NLGN4X: variants seen among roughly 807,000 people sequenced by gnomAD.
NLGN4X encodes neuroligin 4 X-linked.
In NLGN4X, 3 loss-of-function variants were observed where a neutral mutation model predicts 40.3. That is an observed-to-expected ratio of 0.07 (90% CI 0.03 to 0.19). The LOEUF is 0.19. NLGN4X is among the 10% of genes least tolerant of loss of function. The pLI, the probability that NLGN4X is intolerant of heterozygous loss-of-function variation, is 1.00. For synonymous variants in NLGN4X, 270 were observed against 306.8 expected (o/e 0.88, Z 1.25); for missense variants, 382 against 708.3 (o/e 0.54, Z 5.23).
chrX:6,192,237 C>G (rs1228744860), intron 1 of NLGN4X, among the ~76,000 whole-genome samples: 2 of 111,309 alleles, frequency 1.8e-5, no homozygotes, highest in East Asian at 2.8e-4. Flanking sequence ...AAGCGATCCT[C>G]CCACCTCAGC....
chrX:6,056,453 G>A (rs1297860035), intron 2 of NLGN4X, among the ~76,000 whole-genome samples: 1 of 109,473 alleles, frequency 9.1e-6, no homozygotes, highest in Non-Finnish European at 1.9e-5. Context: ...TCCAGCCAGG[G>A]TGATAGAGGG....
At chrX:6,072,012 C>T (rs976277633) in intron 2 of NLGN4X, among the ~76,000 whole-genome samples, 5 of 110,593 alleles carry the variant, frequency 4.5e-5, no homozygotes, top group Non-Finnish European at 9.4e-5. Flanking sequence ...ACAGCAAGCT[C>T]GGGTTCTTTT....
At chrX:6,024,424 C>A (rs1424105568) in intron 3 of NLGN4X, among the ~76,000 whole-genome samples, 1 of 110,853 alleles carries the variant, frequency 9.0e-6, no homozygotes, top group Admixed American at 9.6e-5. Context: ...ACGTTTGAAC[C>A]AGAGCACCTC....
At chrX:6,005,584 C>T (rs772192911) in intron 3 of NLGN4X, among the ~76,000 whole-genome samples, 25 of 111,117 alleles carry the variant, frequency 2.2e-4, no homozygotes, top group Admixed American at 1.9e-3. Flanking sequence ...GAAGCCTCAA[C>T]GTCTCTCTCA....
chrX:6,028,516 G>C (rs1461082540), intron 3 of NLGN4X, among the ~76,000 whole-genome samples: 1 of 110,282 alleles, frequency 9.1e-6, no homozygotes, highest in Non-Finnish European at 1.9e-5. Context: ...AAAATTAGCT[G>C]AGTGTGGTGG....
intron 1 of NLGN4X, among the ~76,000 whole-genome samples, chrX:6,166,882 G>A (rs2040507252): frequency 1.8e-5 from 2 of 109,299 alleles, no homozygotes; most frequent in Admixed American, 9.9e-5. Context: ...GACCAGTCTG[G>A]GCAACATGGC....
chrX:6,055,717 T>A (rs1357910336), intron 2 of NLGN4X, among the ~76,000 whole-genome samples: 1 of 112,235 alleles, frequency 8.9e-6, no homozygotes, highest in East Asian at 2.8e-4. Flanking sequence ...ATTTAACACA[T>A]TAAATATAAA....
At chrX:6,208,053 T>C (rs1449948872) in intron 1 of NLGN4X, among the ~76,000 whole-genome samples, 2 of 111,963 alleles carry the variant, frequency 1.8e-5, no homozygotes, top group Non-Finnish European at 3.8e-5. Flanking sequence ...GTTCAGAAAA[T>C]ATAACACCAT....
chrX:6,191,449 T>C (rs1457860048), intron 1 of NLGN4X, among the ~76,000 whole-genome samples: 1 of 112,172 alleles, frequency 8.9e-6, no homozygotes, highest in Non-Finnish European at 1.9e-5. Flanking sequence ...GCACAGTGGC[T>C]CATGCCTGTA....
intron 1 of NLGN4X, among the ~76,000 whole-genome samples, chrX:6,187,975 A>T (rs1358213872): frequency 8.9e-6 from 1 of 112,472 alleles, no homozygotes; most frequent in Non-Finnish European, 1.9e-5. Context: ...TTGAATAAAC[A>T]ACAAAATATA....
In NLGN4X at chrX:6,128,151, T is replaced by G. The variant is rs149148562; in HGVS notation, c.472+22844A>C. Among the ~76,000 whole-genome samples the G allele has an allele frequency of 9.2e-3, 1,019 of 111,042 alleles. 34 individuals are homozygous for G. Among genetic ancestry groups the G allele is most frequent in the Admixed American group, 0.087 (905 of 10,402 alleles). ...CTGTTTAAACCAGAGCATTCTCCCC[T>G]GTGTGCCCGTGTGTCTTCAATGGGT... On this transcript the variant is annotated intron_variant, in intron 2 of 5. Coordinates refer to ENST00000381095, the MANE Select transcript of NLGN4X (RefSeq NM_181332.3).
chrX:6,174,057 CAAACAAAACA>C (rs775276612), intron 1 of NLGN4X, among the ~76,000 whole-genome samples: 8 of 110,197 alleles, frequency 7.3e-5, no homozygotes, highest in African/African-American at 1.7e-4. Flanking sequence ...GACTCTGTCT[CAAACAAAACA>C]AAACAAAACA....
rs2031126733 is a variant in NLGN4X at position 5,890,890 on chromosome X, T to G, written c.*1927A>C. The G allele has an allele frequency of 3.1e-6, 1 of 323,203 alleles. No individual in the cohort carries two copies. Among genetic ancestry groups the G allele is most frequent in the African/African-American group, 2.6e-5 (1 of 37,820 alleles). The allele number at this position is 323,203 out of a possible 1,213,427, so 26.6% of individuals were successfully genotyped here. A position where few individuals can be genotyped will look rare whatever the true frequency, so the allele number is the denominator to read the frequency against. ...CACTGATATATCACTATAGTTTGAG[T>G]GTAGGGATTCAGTAATCAAAGGTTG... On this transcript the variant is annotated 3_prime_UTR_variant, in exon 6 of 6. Coordinates refer to ENST00000381095, the MANE Select transcript of NLGN4X (RefSeq NM_181332.3).
intron 2 of NLGN4X, among the ~76,000 whole-genome samples, chrX:6,074,378 G>A (rs1301135056): frequency 9.0e-6 from 1 of 111,416 alleles, no homozygotes; most frequent in East Asian, 2.8e-4. Flanking sequence ...CCTGAGGTGG[G>A]GTGGTATTAC....
intron 2 of NLGN4X, among the ~76,000 whole-genome samples, chrX:6,072,967 T>C (rs2038105483): frequency 8.9e-6 from 1 of 112,406 alleles, no homozygotes; most frequent in Non-Finnish European, 1.9e-5. Flanking sequence ...TTCCAGCCTA[T>C]CATAAAACAT....
rs200639312 is a variant in NLGN4X, at chrX:6,133,203, CCAT to C, written c.472+17789_472+17791del. Among the ~76,000 whole-genome samples, 474 of 110,671 alleles carry C rather than the reference CCAT, an allele frequency of 4.3e-3. 2 individuals are homozygous for C. The highest frequency in any genetic ancestry group is 6.9e-3 in the Non-Finnish European group (364 of 52,920). ...ATCACCATCACCATCCTCATCATCA[CCAT>C]CATAACCATCATCATCACCATCATC... is the stretch of plus-strand genomic sequence containing the variant. On this transcript the variant is annotated intron_variant, in intron 2 of 5. Transcript: ENST00000381095.
At position 6,060,922 on chromosome X, in the gene NLGN4X, T is replaced by C. The variant is rs186938807; in HGVS notation, c.473-31490A>G. 8.9e-5 allele frequency among the ~76,000 whole-genome samples: 10 copies of C among 111,784 alleles called. No individual in the cohort carries two copies. The East Asian group carries it at 2.5e-3, about 28-fold the overall frequency. On this transcript the variant is annotated intron_variant, in intron 2 of 5. Transcript: ENST00000381095. ...TATGTTGTATTATTGTGTAAAAAAC[T>C]GTCCACACCTCTCAAGGGGACAAAT...
At chrX:6,171,902 C>T (rs972795825) in intron 1 of NLGN4X, among the ~76,000 whole-genome samples, 9 of 111,078 alleles carry the variant, frequency 8.1e-5, no homozygotes, top group Admixed American at 3.8e-4. Flanking sequence ...GTACACACCC[C>T]TTGGTACTGT....
chrX:6,191,501 G>C (rs1256679294), intron 1 of NLGN4X, among the ~76,000 whole-genome samples: 1 of 111,858 alleles, frequency 8.9e-6, no homozygotes, highest in Non-Finnish European at 1.9e-5. Context: ...GATCACTTGA[G>C]GTCAGGAGTT....
Sources: allele counts gnomAD v4.1 joint callset (sites outside exome capture counted in the v4.1 genomes callset), GRCh38; gene constraint gnomAD v4.1.1; transcripts MANE v1.5; gene names NCBI Gene and HGNC (gene_info 2026-07-23, HGNC 2026-07-21).